The following ATE1 variants were observed in gnomAD, a reference collection of about 807,000 sequenced individuals.
ATE1 encodes the protein arginyltransferase 1.
A neutral mutation model predicts 70.5 loss-of-function variants in ATE1; 36 were observed. The ratio of observed to expected loss-of-function variants is 0.51; its 90% CI spans 0.39 to 0.67. The LOEUF is 0.67. Ranked by LOEUF, ATE1 falls within the 30% of genes least tolerant of loss-of-function variation. ATE1 has a pLI of 0.00. For missense variants in ATE1, 593 were observed against 629.5 expected, an observed-to-expected ratio of 0.94 and a Z score of 0.62; for synonymous variants, 232 against 219.3, an observed-to-expected ratio of 1.06 and a Z score of -0.51.
At chr10:121,840,096 A>C (rs1204361692) in intron 9 of ATE1, among the ~76,000 whole-genome samples, 8 of 152,210 alleles carry the variant, frequency 5.3e-5, no homozygotes, top group Admixed American at 1.3e-4. Context: ...ATAGACAAAC[A>C]GAAATAAATA....
rs557690116 is a variant in ATE1, at chr10:121,858,486, T to G, written c.975+11520A>C. 2.6e-5 allele frequency among the ~76,000 whole-genome samples: 4 copies of G among 151,866 alleles called. No homozygotes were observed. In the South Asian group the frequency reaches 8.3e-4, roughly 32 times the overall value. On this transcript the variant is annotated intron_variant, in intron 8 of 11. Coordinates refer to ENST00000224652, the MANE Select transcript of ATE1 (RefSeq NM_001001976.3). The stretch of plus-strand genomic sequence containing the variant: ...GTTTGGGTTGGCTTCACCATAACTT[T>G]GAAGATCCTTAGGTAATTTTAAAAC...
At chr10:121,754,338 G>T (rs1286174143) in intron 11 of ATE1, among the ~76,000 whole-genome samples, 1 of 152,212 alleles carries the variant, frequency 6.6e-6, no homozygotes. Context: ...GAAAGTATAA[G>T]ATGAGTCTGA....
chr10:121,848,695 G>A (rs1948937801), intron 8 of ATE1, among the ~76,000 whole-genome samples: 5 of 150,446 alleles, frequency 3.3e-5, no homozygotes, highest in Admixed American at 2.0e-4. Flanking sequence ...CGGATCACCT[G>A]AGGTCAGGAG....
chr10:121,880,908 G>T (rs181825435), intron 7 of ATE1, among the ~76,000 whole-genome samples: 6 of 152,188 alleles, frequency 3.9e-5, no homozygotes, highest in Admixed American at 3.9e-4. Context: ...GTGAAAAACA[G>T]ACCTAAAATA....
chr10:121,924,213 T>G, intron 2 of ATE1, 53 bp downstream of exon 2: 1 of 1,556,014 alleles, frequency 6.4e-7, no homozygotes, highest in Middle Eastern at 1.7e-4. Flanking sequence ...CATGCTGTAT[T>G]TTTCAAGAAC....
chr10:121,917,232 G>C (rs11200257), intron 3 of ATE1, among the ~76,000 whole-genome samples: 38 of 151,956 alleles, frequency 2.5e-4, no homozygotes, highest in Non-Finnish European at 5.3e-4. Flanking sequence ...AGATCAAGCC[G>C]GTCAGAAGGC....
At chr10:121,910,187 T>C (rs986104301) in intron 5 of ATE1, among the ~76,000 whole-genome samples, 1 of 152,196 alleles carries the variant, frequency 6.6e-6, no homozygotes, top group Non-Finnish European at 1.5e-5. Context: ...TTAACATGTG[T>C]AACATAGTTT....
At chr10:121,880,876 C>T (rs921891823) in intron 7 of ATE1, among the ~76,000 whole-genome samples, 1 of 152,118 alleles carries the variant, frequency 6.6e-6, no homozygotes, top group African/African-American at 2.4e-5. Context: ...GGTCATAAAA[C>T]TTGATGCTCT....
At chr10:121,745,739 A>C (rs1425659753) in intron 11 of ATE1, among the ~76,000 whole-genome samples, 2 of 150,172 alleles carry the variant, frequency 1.3e-5, no homozygotes, top group African/African-American at 4.9e-5. Context: ...AACAAACAAA[A>C]AAAAGAACCA....
At chr10:121,779,456 C>A (rs541358344) in intron 11 of ATE1, among the ~76,000 whole-genome samples, 1 of 152,286 alleles carries the variant, frequency 6.6e-6, no homozygotes, top group East Asian at 1.9e-4. Flanking sequence ...AGAAAGTGCT[C>A]AACCTACTGT....
In ATE1 at chr10:121,852,098, G is replaced by A. The variant is rs141671148; in HGVS notation, c.976-10835C>T. Among the ~76,000 whole-genome samples the A allele has an allele frequency of 2.0e-3, 311 of 152,354 alleles. 2 individuals are homozygous for A. Among genetic ancestry groups the A allele is most frequent in the African/African-American group, 7.1e-3 (297 of 41,576 alleles). On this transcript the variant is annotated intron_variant, in intron 8 of 11. Coordinates refer to ENST00000224652, the MANE Select transcript of ATE1 (RefSeq NM_001001976.3). ...AGGCTCAAAAGAACAGGAGACTGGA[G>A]AGTCATATGCCAGGCATCAGGCCAG...
In ATE1 at chr10:121,743,311, A is replaced by G. The variant is rs1944207300; in HGVS notation, c.*369T>C. 6.1e-6 allele frequency: 1 copy of G among 163,526 alleles called. No individual in the cohort carries two copies. The highest frequency in any genetic ancestry group is 1.3e-5 in the Non-Finnish European group (1 of 76,506). The allele number at this position is 163,526 out of a possible 1,614,324, so 10.1% of individuals were successfully genotyped here. On this transcript the variant is annotated 3_prime_UTR_variant, in exon 12 of 12. Coordinates refer to ENST00000224652, the MANE Select transcript of ATE1 (RefSeq NM_001001976.3). ...CAGTTTAAAATGGGCCTGAGGAAACAGTCTGTTTTAATTTCTCTAACAGAA... is the reference window on the plus strand; with the variant it reads ...CAGTTTAAAATGGGCCTGAGGAAACGGTCTGTTTTAATTTCTCTAACAGAA...
chr10:121,869,325 C>A (rs1949771176), intron 8 of ATE1, among the ~76,000 whole-genome samples: 1 of 152,180 alleles, frequency 6.6e-6, no homozygotes, highest in South Asian at 2.1e-4. Flanking sequence ...CTGCTTCCAC[C>A]CTTTCTCTAC....
At chr10:121,919,625 CG>C (rs1951800071) in intron 3 of ATE1, among the ~76,000 whole-genome samples, 1 of 151,920 alleles carries the variant, frequency 6.6e-6, no homozygotes, top group Non-Finnish European at 1.5e-5. Context: ...AAAATTAACA[CG>C]CAAAATGTGC....
At chr10:121,865,862 C>A (rs1949646281) in intron 8 of ATE1, among the ~76,000 whole-genome samples, 1 of 152,174 alleles carries the variant, frequency 6.6e-6, no homozygotes, top group Non-Finnish European at 1.5e-5. Context: ...CTGACAATTT[C>A]ATTAGATTCA....
rs71022866 is a variant in ATE1 at position 121,794,610 on chromosome 10, CAAAAAAAAAA to C, written c.1258-4331_1258-4322del. Among the ~76,000 whole-genome samples, 438 of 77,488 alleles carry C rather than the reference CAAAAAAAAAA, an allele frequency of 5.7e-3. 2 individuals carry two copies. Among genetic ancestry groups the C allele is most frequent in the African/African-American group, 0.01 (200 of 19,670 alleles). The allele number at this position is 77,488 out of a possible 152,430, so 50.8% of individuals were successfully genotyped here. On this transcript the variant is annotated intron_variant, in intron 10 of 11. Transcript: ENST00000224652. Reference sequence around the variant, plus strand: ...GATCAGGTGACAAAGACCCTGTCTCCAAAAAAAAAAAAAAAAAAAAAAAGGAGAAGAGAAT... The same window carrying C: ...GATCAGGTGACAAAGACCCTGTCTCCAAAAAAAAAAAAAGGAGAAGAGAAT...
At chr10:121,899,050 T>G in intron 7 of ATE1, 1 of 1,483,988 alleles carries the variant, frequency 6.7e-7, no homozygotes, top group Non-Finnish European at 9.1e-7. Flanking sequence ...TACAGTAAGA[T>G]CTCCACAAAT....
chr10:121,898,271 C>T (rs777475180), intron 7 of ATE1, among the ~76,000 whole-genome samples: 1 of 152,080 alleles, frequency 6.6e-6, no homozygotes, highest in Non-Finnish European at 1.5e-5. Context: ...AAAACGATTC[C>T]GTTTTTCACT....
intron 6 of ATE1, among the ~76,000 whole-genome samples, chr10:121,900,307 C>T (rs1950930349): frequency 6.6e-6 from 1 of 152,144 alleles, no homozygotes; most frequent in African/African-American, 2.4e-5. Context: ...GACACATACA[C>T]ACACAAATAA....
Sources: allele counts gnomAD v4.1 joint callset (sites outside exome capture counted in the v4.1 genomes callset), GRCh38; gene constraint gnomAD v4.1.1; transcripts MANE v1.5; gene names NCBI Gene and HGNC (gene_info 2026-07-23, HGNC 2026-07-21).